NUBPL: variants seen among roughly 807,000 people sequenced by gnomAD.
NUBPL encodes NUBP iron-sulfur cluster assembly factor, mitochondrial, also known as iron-sulfur cluster transfer protein NUBPL.
A neutral mutation model predicts 45.7 loss-of-function variants in NUBPL; 31 were observed. That is an observed-to-expected ratio of 0.68 (90% CI 0.51 to 0.92). The LOEUF (loss-of-function observed/expected upper bound fraction) is 0.92. Ranked by LOEUF, NUBPL falls within the 40% of genes least tolerant of loss-of-function variation. The pLI, the probability that NUBPL is intolerant of heterozygous loss-of-function variation, is 0.00. For missense variants in NUBPL, 401 were observed against 398.7 expected (o/e 1.01, Z -0.05); for synonymous variants, 144 against 140.9 (o/e 1.02, Z -0.15).
intron 4 of NUBPL, among the ~76,000 whole-genome samples, chr14:31,661,541 TA>T (rs2036269216): frequency 6.6e-6 from 1 of 152,212 alleles, no homozygotes; most frequent in Admixed American, 6.5e-5. Flanking sequence ...TCATTTCTGG[TA>T]ATTTTTTGTT....
intron 7 of NUBPL, among the ~76,000 whole-genome samples, chr14:31,799,342 G>A (rs1317174250): frequency 6.6e-6 from 1 of 152,076 alleles, no homozygotes; most frequent in African/African-American, 2.4e-5. Context: ...CAAGTCTGTG[G>A]AGTTAAGTTC....
chr14:31,729,396 G>A (rs2038001247), intron 6 of NUBPL, among the ~76,000 whole-genome samples: 1 of 149,808 alleles, frequency 6.7e-6, no homozygotes, highest in Non-Finnish European at 1.5e-5. Flanking sequence ...TGACATATAA[G>A]TAAACAAACA....
chr14:31,778,975 C>T (rs1301001675), intron 6 of NUBPL, among the ~76,000 whole-genome samples: 1 of 152,108 alleles, frequency 6.6e-6, no homozygotes, highest in Non-Finnish European at 1.5e-5. Flanking sequence ...CAGACTTGGC[C>T]TTAGGAAAGG....
chr14:31,732,473 T>G (rs868514777), intron 6 of NUBPL, among the ~76,000 whole-genome samples: 23 of 152,188 alleles, frequency 1.5e-4, no homozygotes, highest in African/African-American at 5.3e-4. Context: ...AATGGTTGAT[T>G]TGTGGGAGTT....
At chr14:31,820,685 A>G (rs1027981033) in intron 7 of NUBPL, among the ~76,000 whole-genome samples, 7 of 151,834 alleles carry the variant, frequency 4.6e-5, no homozygotes, top group African/African-American at 1.7e-4. Flanking sequence ...TTAGCTGGGC[A>G]TGGTGGTGGG....
Position 31,711,511 on chromosome 14 carries a change from C to T in NUBPL, c.513+37937C>T, listed in dbSNP as rs1002160740. ...AATAGGCGATAGTCTTACTGCTTGGCGATAGGTGATAGTCCCTTCGTGGTT... is the reference window on the plus strand; with the variant it reads ...AATAGGCGATAGTCTTACTGCTTGGTGATAGGTGATAGTCCCTTCGTGGTT... On this transcript the variant is annotated intron_variant, in intron 6 of 10. Transcript: ENST00000281081. Among the ~76,000 whole-genome samples, 5 of 151,974 alleles carry T rather than the reference C, an allele frequency of 3.3e-5. No individual in the cohort carries two copies. In the East Asian group the frequency reaches 5.8e-4, roughly 18 times the overall value.
intron 4 of NUBPL, among the ~76,000 whole-genome samples, chr14:31,628,040 C>T (rs1363395332): frequency 6.6e-6 from 1 of 152,092 alleles, no homozygotes; most frequent in Non-Finnish European, 1.5e-5. Flanking sequence ...TCTACTTTTG[C>T]ATTTATTCTG....
At chr14:31,685,620 G>A (rs916621528) in intron 6 of NUBPL, among the ~76,000 whole-genome samples, 6 of 151,892 alleles carry the variant, frequency 4.0e-5, no homozygotes, top group African/African-American at 1.5e-4. Context: ...TTATGAAAAA[G>A]GCAAAAGGGA....
At chr14:31,797,787 C>G (rs2138850870) in intron 7 of NUBPL, among the ~76,000 whole-genome samples, 1 of 142,060 alleles carries the variant, frequency 7.0e-6, no homozygotes. Context: ...ATGATGTTAG[C>G]TGGTGATTTT....
rs182409769 is a variant in NUBPL at position 31,571,838 on chromosome 14, T to C, written c.291+6790T>C. 3.3e-5 allele frequency among the ~76,000 whole-genome samples: 5 copies of C among 152,328 alleles called. No individual in the cohort carries two copies. The East Asian group carries it at 9.6e-4, about 29-fold the overall frequency. ...GCAGCCATTCTGATAAGTTTTATAA[T>C]AGGAAATAACTAACTTTCATGGAGC... is the stretch of plus-strand genomic sequence containing the variant. On this transcript the variant is annotated intron_variant, in intron 3 of 10. Coordinates refer to ENST00000281081, the MANE Select transcript of NUBPL (RefSeq NM_025152.3).
At chr14:31,563,841 T>G (rs1014953695) in intron 2 of NUBPL, among the ~76,000 whole-genome samples, 1 of 152,236 alleles carries the variant, frequency 6.6e-6, no homozygotes, top group Admixed American at 6.5e-5. Flanking sequence ...ATTCAGAATT[T>G]TGTAACTTAT....
chr14:31,668,892 G>A (rs1333022803), intron 4 of NUBPL, among the ~76,000 whole-genome samples: 1 of 152,116 alleles, frequency 6.6e-6, no homozygotes, highest in Non-Finnish European at 1.5e-5. Flanking sequence ...CAGTTCCGGT[G>A]AGATGAACTG....
intron 6 of NUBPL, among the ~76,000 whole-genome samples, chr14:31,761,901 T>C (rs1488399435): frequency 6.6e-6 from 1 of 152,206 alleles, no homozygotes; most frequent in Non-Finnish European, 1.5e-5. Flanking sequence ...TGAGTGTACA[T>C]GTATGTACAT....
intron 7 of NUBPL, among the ~76,000 whole-genome samples, chr14:31,802,254 C>G (rs772795375): frequency 1.4e-5 from 2 of 146,916 alleles, no homozygotes; most frequent in African/African-American, 5.0e-5. Flanking sequence ...CCTTAGCACA[C>G]GATTTACTTG....
chr14:31,739,820 C>T (rs1289333005), intron 6 of NUBPL, among the ~76,000 whole-genome samples: 2 of 152,164 alleles, frequency 1.3e-5, no homozygotes, highest in Non-Finnish European at 2.9e-5. Context: ...CCTATTGATC[C>T]TTCTCTCCCT....
chr14:31,579,021 A>T (rs766538489), intron 3 of NUBPL, among the ~76,000 whole-genome samples: 3 of 152,212 alleles, frequency 2.0e-5, no homozygotes, highest in Non-Finnish European at 4.4e-5. Flanking sequence ...GTACTCAGGT[A>T]GTCTTTGAAG....
intron 4 of NUBPL, among the ~76,000 whole-genome samples, chr14:31,617,910 C>CT (rs950180407): frequency 6.6e-5 from 10 of 151,992 alleles, no homozygotes; most frequent in African/African-American, 2.2e-4. Context: ...TGGGTCTGGA[C>CT]TTTTTTTTGT....
chr14:31,790,982 A>G (rs908576821), intron 7 of NUBPL, among the ~76,000 whole-genome samples: 1 of 151,442 alleles, frequency 6.6e-6, no homozygotes, highest in Non-Finnish European at 1.5e-5. Context: ...GAAAGATTGC[A>G]TTAATGCCAG....
chr14:31,648,381 A>G (rs1324935729), intron 4 of NUBPL, among the ~76,000 whole-genome samples: 1 of 152,234 alleles, frequency 6.6e-6, no homozygotes, highest in Admixed American at 6.5e-5. Context: ...ACTCTCCTGG[A>G]AGAAGCGCCT....
Sources: allele counts gnomAD v4.1 joint callset (sites outside exome capture counted in the v4.1 genomes callset), GRCh38; gene constraint gnomAD v4.1.1; transcripts MANE v1.5; gene names NCBI Gene and HGNC (gene_info 2026-07-23, HGNC 2026-07-21).